The following DIP2C variants were observed in gnomAD, a reference collection of about 807,000 sequenced individuals.
DIP2C encodes disco-interacting protein 2 homolog C.
DIP2C carries 33 observed loss-of-function variants against 192.4 expected under a neutral mutation model. The ratio of observed to expected loss-of-function variants is 0.17; its 90% CI spans 0.13 to 0.23. The LOEUF is 0.23. Ranked by LOEUF, DIP2C falls within the 10% of genes least tolerant of loss-of-function variation. The pLI is 1.00. For missense variants in DIP2C, 1,537 were observed against 2,110.1 expected, an observed-to-expected ratio of 0.73 and a Z score of 5.32; for synonymous variants, 979 against 864.1, an observed-to-expected ratio of 1.13 and a Z score of -2.33.
At chr10:367,744 G>A (rs1462504586) in intron 18 of DIP2C, among the ~76,000 whole-genome samples, 3 of 152,246 alleles carry the variant, frequency 2.0e-5, no homozygotes, top group African/African-American at 7.2e-5. Context: ...GCACTGTGCT[G>A]CCTTGAGAAC....
intron 18 of DIP2C, among the ~76,000 whole-genome samples, chr10:367,377 A>C (rs919867807): frequency 1.4e-4 from 21 of 151,700 alleles, no homozygotes; most frequent in Admixed American, 7.2e-4. Flanking sequence ...AGATCGCGCC[A>C]CTGCACTCCA....
chr10:405,461 G>C (rs914674368), intron 9 of DIP2C, among the ~76,000 whole-genome samples: 2 of 152,086 alleles, frequency 1.3e-5, no homozygotes, highest in African/African-American at 2.4e-5. Flanking sequence ...GATAGAAAAG[G>C]GTAAAATACT....
intron 1 of DIP2C, chr10:630,434 G>C (rs1486844925): frequency 1.3e-5 from 2 of 152,190 alleles, no homozygotes; most frequent in Admixed American, 6.5e-5. Flanking sequence ...AAAAAATAAG[G>C]TAACATATTC....
intron 1 of DIP2C, among the ~76,000 whole-genome samples, chr10:507,586 A>T (rs1588334157): frequency 6.6e-6 from 1 of 152,244 alleles, no homozygotes; most frequent in Non-Finnish European, 1.5e-5. Context: ...GGACCTGGTC[A>T]TCAGCCAAGA....
At chr10:546,219 T>G (rs1370757235) in intron 1 of DIP2C, among the ~76,000 whole-genome samples, 1 of 149,240 alleles carries the variant, frequency 6.7e-6, no homozygotes, top group African/African-American at 2.5e-5. Flanking sequence ...GAAGCAGAGG[T>G]TGAAGTGAGC....
At chr10:406,790 G>C (rs1473254850) in intron 9 of DIP2C, among the ~76,000 whole-genome samples, 1 of 152,088 alleles carries the variant, frequency 6.6e-6, no homozygotes, top group African/African-American at 2.4e-5. Flanking sequence ...AATCTCCCCA[G>C]ATTGCTCCTG....
At chr10:536,766 CCTT>C (rs902847636) in intron 1 of DIP2C, among the ~76,000 whole-genome samples, 1 of 152,206 alleles carries the variant, frequency 6.6e-6, no homozygotes, top group African/African-American at 2.4e-5. Context: ...ACTGATTAAA[CCTT>C]CTTTCCAGCA....
chr10:442,207 C>T (rs1967796164), intron 3 of DIP2C, among the ~76,000 whole-genome samples: 1 of 152,132 alleles, frequency 6.6e-6, no homozygotes, highest in Non-Finnish European at 1.5e-5. Context: ...TTCTCTGAAG[C>T]TGTGAGAATG....
At chr10:378,642 TAA>T (rs373538737) in intron 17 of DIP2C, among the ~76,000 whole-genome samples, 7 of 131,674 alleles carry the variant, frequency 5.3e-5, no homozygotes, top group South Asian at 5.3e-4. Flanking sequence ...CAGACATGCA[TAA>T]AGACACACAT....
At position 390,808 on chromosome 10, in the gene DIP2C, G is replaced by C; in HGVS notation, c.1316C>G (p.Ala439Gly). ...FLLGSCGVTV[A>G]LTSDACHKGL... Reference sequence around the variant, plus strand: ...TTTATGGCAGGCGTCACTAGTCAAGGCTACAGTAACTCCACAGCTTCCAAG... The same window carrying C: ...TTTATGGCAGGCGTCACTAGTCAAGCCTACAGTAACTCCACAGCTTCCAAG... Residue 439 changes from alanine (A) to glycine (G), a missense_variant, in exon 11 of 37, where the codon GCC becomes GGC. Coordinates refer to ENST00000280886, the MANE Select transcript of DIP2C (RefSeq NM_014974.3). The C allele has an allele frequency of 6.2e-7, 1 of 1,614,156 alleles. No homozygotes were observed. Among genetic ancestry groups the C allele is most frequent in the Non-Finnish European group, 8.5e-7 (1 of 1,180,030 alleles).
At chr10:519,905 C>T (rs983237402) in intron 1 of DIP2C, among the ~76,000 whole-genome samples, 1 of 152,186 alleles carries the variant, frequency 6.6e-6, no homozygotes, top group Admixed American at 6.5e-5. Context: ...CCCACAGCCA[C>T]CCAGCCACTG....
At chr10:301,740 C>T (rs539738422) in intron 32 of DIP2C, among the ~76,000 whole-genome samples, 8 of 152,326 alleles carry the variant, frequency 5.3e-5, no homozygotes, top group African/African-American at 1.9e-4. Context: ...ACCGCGTCCT[C>T]GCCCGCTTGC....
intron 6 of DIP2C, among the ~76,000 whole-genome samples, chr10:416,245 T>C (rs1342264893): frequency 6.6e-6 from 1 of 151,958 alleles, no homozygotes; most frequent in Non-Finnish European, 1.5e-5. Flanking sequence ...GGCCCCCTCT[T>C]CTCAACAGGG....
intron 1 of DIP2C, among the ~76,000 whole-genome samples, chr10:602,674 CCAGA>C (rs766314127): frequency 2.8e-4 from 42 of 152,316 alleles, no homozygotes; most frequent in African/African-American, 9.6e-4. Context: ...CTACAGCAGC[CCAGA>C]CAGTCATGTT....
At chr10:319,980 G>A (rs1034706809) in intron 31 of DIP2C, among the ~76,000 whole-genome samples, 2 of 152,148 alleles carry the variant, frequency 1.3e-5, no homozygotes, top group African/African-American at 4.8e-5. Context: ...TTTTTCCAGC[G>A]TGAATGACTC....
rs1353379103 is a variant in DIP2C at position 411,592 on chromosome 10, A to AG, written c.1057+2320dup. On this transcript the variant is annotated intron_variant, in intron 8 of 36. Coordinates refer to ENST00000280886, the MANE Select transcript of DIP2C (RefSeq NM_014974.3). ...CCCCTTCAGTTACACCAAGTTACTCAGTATTAGAACAATTCTCATTCGATA... is the reference window on the plus strand; with the variant it reads ...CCCCTTCAGTTACACCAAGTTACTCAGGTATTAGAACAATTCTCATTCGATA... 1.1e-4 allele frequency among the ~76,000 whole-genome samples: 16 copies of AG among 152,300 alleles called. No individual in the cohort carries two copies. The East Asian group carries it at 3.1e-3, about 29-fold the overall frequency.
intron 31 of DIP2C, among the ~76,000 whole-genome samples, chr10:320,049 A>G: frequency 6.6e-6 from 1 of 152,250 alleles, no homozygotes; most frequent in East Asian, 1.9e-4. Flanking sequence ...AAGGTTGAAG[A>G]ATAGTAAACC....
At chr10:314,759 A>G (rs1956705549) in intron 31 of DIP2C, among the ~76,000 whole-genome samples, 1 of 152,130 alleles carries the variant, frequency 6.6e-6, no homozygotes, top group Non-Finnish European at 1.5e-5. Flanking sequence ...GTGGATGAAC[A>G]TGTTCCTTTA....
At chr10:315,780 C>T (rs963168267) in intron 31 of DIP2C, among the ~76,000 whole-genome samples, 1 of 152,152 alleles carries the variant, frequency 6.6e-6, no homozygotes, top group Non-Finnish European at 1.5e-5. Flanking sequence ...TCTCTCACCG[C>T]TCCTTCTGGG....
Sources: allele counts gnomAD v4.1 joint callset (sites outside exome capture counted in the v4.1 genomes callset), GRCh38; gene constraint gnomAD v4.1.1; transcripts MANE v1.5; gene names NCBI Gene and HGNC (gene_info 2026-07-23, HGNC 2026-07-21).